ADGB: variants seen among roughly 807,000 people sequenced by gnomAD.
ADGB encodes androglobin.
A neutral mutation model predicts 210.5 loss-of-function variants in ADGB; 172 were observed. That is an observed-to-expected ratio of 0.82 (90% confidence interval 0.72 to 0.93). The LOEUF is 0.93. Among genes scored for constraint, ADGB ranks in the 40% least tolerant of loss-of-function variants. The pLI, the probability that ADGB is intolerant of heterozygous loss-of-function variation, is 0.00. For synonymous variants in ADGB, 658 were observed against 662.7 expected (o/e 0.99, Z 0.11); for missense variants, 2,025 against 1,964.8 (o/e 1.03, Z -0.58).
chr6:146,608,569 T>A (rs548606561), intron 1 of ADGB, among the ~76,000 whole-genome samples: 2 of 152,322 alleles, frequency 1.3e-5, no homozygotes, highest in East Asian at 3.9e-4. Context: ...TCTTATATGT[T>A]GTACCTTTGT....
chr6:146,651,220 C>T (rs1775695692), intron 3 of ADGB, among the ~76,000 whole-genome samples: 1 of 152,184 alleles, frequency 6.6e-6, no homozygotes, highest in African/African-American at 2.4e-5. Flanking sequence ...GTGGCCCCTG[C>T]CCTGCCTGGT....
At position 146,676,304 on chromosome 6, in the gene ADGB, A is replaced by T. The variant is rs191553526; in HGVS notation, c.1088-9A>T. 77 of 1,533,952 alleles carry T rather than the reference A, an allele frequency of 5.0e-5. No individual in the cohort carries two copies. The highest frequency in any genetic ancestry group is 6.1e-5 in the Non-Finnish European group (70 of 1,139,976). On this transcript the variant is annotated splice_polypyrimidine_tract_variant and intron_variant, in intron 8 of 35. Coordinates refer to ENST00000397944, the MANE Select transcript of ADGB (RefSeq NM_024694.4). ...TTAAAATATTTATTGTGATTTTTTCATATGTTAGAGAAAGCAGATGCAAGA... is the reference window on the plus strand; with the variant it reads ...TTAAAATATTTATTGTGATTTTTTCTTATGTTAGAGAAAGCAGATGCAAGA...
At chr6:146,758,837 T>G (rs925552666) in intron 27 of ADGB, among the ~76,000 whole-genome samples, 5 of 151,938 alleles carry the variant, frequency 3.3e-5, no homozygotes, top group African/African-American at 1.2e-4. Context: ...AAAGGCTATT[T>G]CCATTTATTC....
intron 29 of ADGB, among the ~76,000 whole-genome samples, chr6:146,771,820 T>A (rs1397055475): frequency 6.6e-6 from 1 of 152,224 alleles, no homozygotes; most frequent in African/African-American, 2.4e-5. Flanking sequence ...TCACCAAAGC[T>A]ATTCTCATTT....
chr6:146,801,238 T>C lies in ADGB; in HGVS notation c.4593T>C (p.Ile1531=). 1 of 1,516,728 alleles carries C rather than the reference T, an allele frequency of 6.6e-7. No homozygotes were observed. The highest frequency in any genetic ancestry group is 8.8e-7 in the Non-Finnish European group (1 of 1,131,200). The allele number at this position is 1,516,728 out of a possible 1,614,324, so 94.0% of individuals were successfully genotyped here. Residue 1531 remains isoleucine, a synonymous_variant, in exon 34 of 36, where the codon ATT becomes ATC. Transcript: ENST00000397944. The stretch of plus-strand genomic sequence containing the variant: ...TTTTGGAAACATCTCCACGACTTAT[T>C]CGAAAAGCACTAGAATTTATGGATT... ...PTILETSPRL[I]RKALEFMDLS...
chr6:146,734,596 T>G (rs1037423918), intron 22 of ADGB, among the ~76,000 whole-genome samples: 1 of 152,248 alleles, frequency 6.6e-6, no homozygotes, highest in Admixed American at 6.5e-5. Context: ...AATAAAATCT[T>G]TTTGCCAATA....
chr6:146,682,837 AC>A (rs1272226137), intron 9 of ADGB, among the ~76,000 whole-genome samples: 1 of 152,100 alleles, frequency 6.6e-6, no homozygotes, highest in Non-Finnish European at 1.5e-5. Flanking sequence ...TGGCTAATAA[AC>A]TTTTTTGAAA....
intron 5 of ADGB, among the ~76,000 whole-genome samples, chr6:146,659,824 A>G (rs1222186382): frequency 6.6e-6 from 1 of 152,114 alleles, no homozygotes; most frequent in Non-Finnish European, 1.5e-5. Flanking sequence ...GGCCCCCGAA[A>G]GAAGCAGGTT....
chr6:146,790,654 A>T (rs1245594854), intron 33 of ADGB, among the ~76,000 whole-genome samples: 1 of 152,234 alleles, frequency 6.6e-6, no homozygotes, highest in East Asian at 1.9e-4. Context: ...TGCACATACA[A>T]GTACAGACAC....
intron 6 of ADGB, among the ~76,000 whole-genome samples, chr6:146,665,394 C>A (rs1775925220): frequency 6.6e-6 from 1 of 152,050 alleles, no homozygotes; most frequent in Non-Finnish European, 1.5e-5. Context: ...GCTTTTAGCA[C>A]TTAATTGCAA....
intron 5 of ADGB, among the ~76,000 whole-genome samples, chr6:146,658,509 C>T (rs1164255145): frequency 6.6e-6 from 1 of 152,054 alleles, no homozygotes; most frequent in Non-Finnish European, 1.5e-5. Flanking sequence ...GGAGGAAGGT[C>T]AAAACTATGA....
At chr6:146,698,066 C>A (rs1365047629) in intron 12 of ADGB, among the ~76,000 whole-genome samples, 1 of 152,050 alleles carries the variant, frequency 6.6e-6, no homozygotes, top group Non-Finnish European at 1.5e-5. Context: ...TTGGAAGTAA[C>A]CAATGTGGTT....
intron 2 of ADGB, among the ~76,000 whole-genome samples, chr6:146,641,577 G>A (rs1248701137): frequency 6.6e-6 from 1 of 151,818 alleles, no homozygotes; most frequent in Non-Finnish European, 1.5e-5. Context: ...ATGAGGCAGA[G>A]TAGAGAGCCC....
intron 26 of ADGB, among the ~76,000 whole-genome samples, chr6:146,746,378 C>T (rs1002770048): frequency 3.3e-5 from 5 of 152,152 alleles, no homozygotes; most frequent in African/African-American, 9.7e-5. Context: ...CTTCCTCTTA[C>T]TATTTTCTTC....
chr6:146,620,290 C>T (rs183088555), intron 1 of ADGB, among the ~76,000 whole-genome samples: 17 of 152,212 alleles, frequency 1.1e-4, no homozygotes, highest in Admixed American at 2.0e-4. Context: ...GTCTGAGCGT[C>T]CTCTCTTTAC....
intron 35 of ADGB, among the ~76,000 whole-genome samples, chr6:146,810,485 T>C (rs928395406): frequency 2.0e-5 from 3 of 152,182 alleles, no homozygotes; most frequent in South Asian, 2.1e-4. Flanking sequence ...AGTATGTCTA[T>C]GAGAGGTCTG....
At chr6:146,604,352 C>T (rs905839247) in intron 1 of ADGB, among the ~76,000 whole-genome samples, 1 of 152,034 alleles carries the variant, frequency 6.6e-6, no homozygotes, top group Non-Finnish European at 1.5e-5. Flanking sequence ...GCATTGCTTT[C>T]GTGTAAATTA....
At chr6:146,779,863 T>TAA (rs71552960) in intron 29 of ADGB, among the ~76,000 whole-genome samples, 6,222 of 146,406 alleles carry the variant, frequency 0.042, 248 homozygotes, top group African/African-American at 0.1. Context: ...CTTCCAGCTA[T>TAA]AAAAAAAAAA....
At position 146,656,799 on chromosome 6, in the gene ADGB, A is replaced by G. The variant is rs901757026; in HGVS notation, c.431A>G (p.Tyr144Cys). The G allele has an allele frequency of 2.6e-6, 4 of 1,548,184 alleles. No homozygotes were observed. In the South Asian group the frequency reaches 3.6e-5, roughly 14 times the overall value. ...ATGAGATGGATTATCAGTGAAATCTATGCAGTGTGGAAGATCTTCAATGGA... is the reference window on the plus strand; with the variant it reads ...ATGAGATGGATTATCAGTGAAATCTGTGCAGTGTGGAAGATCTTCAATGGA... ...ELMRWIISEIYAVWKIFNGGI... is the reference protein window; with the variant it reads ...ELMRWIISEICAVWKIFNGGI... Residue 144 changes from tyrosine to cysteine, a missense_variant, in exon 5 of 36, where the codon TAT becomes TGT. Physicochemically the swap from Tyr to Cys is radical, Grantham distance 194. Transcript: ENST00000397944.
Sources: allele counts gnomAD v4.1 joint callset (sites outside exome capture counted in the v4.1 genomes callset), GRCh38; gene constraint gnomAD v4.1.1; transcripts MANE v1.5; gene names NCBI Gene and HGNC (gene_info 2026-07-23, HGNC 2026-07-21).